The following RAI2 variants were observed in gnomAD, a reference collection of about 807,000 sequenced individuals.
RAI2 encodes retinoic acid-induced protein 2.
In RAI2, 5 loss-of-function variants were observed where a neutral mutation model predicts 15.3. The ratio of observed to expected loss-of-function variants is 0.33; its 90% CI spans 0.17 to 0.69. The LOEUF is 0.69. Among genes scored for constraint, RAI2 ranks in the 30% least tolerant of loss-of-function variants. RAI2 has a pLI of 0.69. For missense variants in RAI2, 424 were observed against 424.7 expected (o/e 1.00, Z 0.01); for synonymous variants, 191 against 184.0 (o/e 1.04, Z -0.31).
chrX:17,835,168 C>A (rs758441642), intron 1 of RAI2, among the ~76,000 whole-genome samples: 1 of 112,222 alleles, frequency 8.9e-6, no homozygotes, highest in South Asian at 3.7e-4. Context: ...ATTCAGAAAT[C>A]TATTAGTAAC....
At chrX:17,815,202 G>A in intron 1 of RAI2, among the ~76,000 whole-genome samples, 1 of 111,566 alleles carries the variant, frequency 9.0e-6, no homozygotes. Flanking sequence ...GTGGGGGAAG[G>A]AAAAAGATCG....
At position 17,800,555 on chromosome X, in the gene RAI2, C is replaced by G; in HGVS notation, c.1456G>C (p.Glu486Gln). 1.7e-6 allele frequency: 2 copies of G among 1,211,161 alleles called. No homozygotes were observed. The highest frequency in any genetic ancestry group is 1.8e-5 in the South Asian group (1 of 56,966). Reference protein sequence around the residue: ...QGYDINSQGEESMGNAEPLRK... With the variant: ...QGYDINSQGEQSMGNAEPLRK... ...AGGGGCTCTGCATTTCCCATGGACTCTTCCCCTTGGCTGTTGATGTCATAG... is the reference window on the plus strand; with the variant it reads ...AGGGGCTCTGCATTTCCCATGGACTGTTCCCCTTGGCTGTTGATGTCATAG... Residue 486 changes from glutamate to glutamine, a missense_variant, in exon 2 of 2, where the codon GAG becomes CAG. Physicochemically the swap from Glu to Gln is conservative, Grantham distance 29. Coordinates refer to ENST00000451717, the MANE Select transcript of RAI2 (RefSeq NM_021785.6).
At chrX:17,848,427 A>AT (rs1221665846) in intron 1 of RAI2, among the ~76,000 whole-genome samples, 1 of 110,907 alleles carries the variant, frequency 9.0e-6, no homozygotes, top group African/African-American at 3.3e-5. Context: ...ACAAATATTC[A>AT]TAAGAAAAAC....
chrX:17,858,134 A>G (rs1301891171), intron 1 of RAI2, among the ~76,000 whole-genome samples: 1 of 111,590 alleles, frequency 9.0e-6, no homozygotes, highest in Non-Finnish European at 1.9e-5. Flanking sequence ...GATTATTCCC[A>G]TCTTGTAGGT....
chrX:17,814,248 C>G, intron 1 of RAI2, among the ~76,000 whole-genome samples: 1 of 105,231 alleles, frequency 9.5e-6, no homozygotes, highest in Non-Finnish European at 1.9e-5. Flanking sequence ...TATTCACCCG[C>G]CCCCATCCAT....
intron 1 of RAI2, among the ~76,000 whole-genome samples, chrX:17,846,614 T>A (rs1206633007): frequency 8.9e-6 from 1 of 111,857 alleles, no homozygotes; most frequent in Admixed American, 9.4e-5. Context: ...TTTCATTGCA[T>A]TTCCTTCAGA....
At chrX:17,842,736 G>T (rs2067413990) in intron 1 of RAI2, among the ~76,000 whole-genome samples, 1 of 109,687 alleles carries the variant, frequency 9.1e-6, no homozygotes, top group Non-Finnish European at 1.9e-5. Flanking sequence ...GAATGCGAAT[G>T]ATATTTATTC....
At chrX:17,803,936 C>CTTT (rs11448927) in intron 1 of RAI2, among the ~76,000 whole-genome samples, 3 of 100,031 alleles carry the variant, frequency 3.0e-5, no homozygotes, top group African/African-American at 1.1e-4. Context: ...TCCAACATGC[C>CTTT]TTTTTTTTTT....
chrX:17,840,832 C>T (rs1259955086), intron 1 of RAI2, among the ~76,000 whole-genome samples: 1 of 112,097 alleles, frequency 8.9e-6, no homozygotes, highest in East Asian at 2.8e-4. Context: ...ATCCTTTCTA[C>T]TCACATCCCA....
chrX:17,844,333 A>G (rs2067432547), intron 1 of RAI2, among the ~76,000 whole-genome samples: 1 of 112,600 alleles, frequency 8.9e-6, no homozygotes, highest in Non-Finnish European at 1.9e-5. Context: ...AGGCCAGTTG[A>G]TTCAGAGGAC....
chrX:17,848,292 G>GAAA (rs375071115), intron 1 of RAI2, among the ~76,000 whole-genome samples: 15 of 58,787 alleles, frequency 2.6e-4, no homozygotes, highest in African/African-American at 6.3e-4. Context: ...AACAAAAAAT[G>GAAA]AAAAAAAAAA....
At chrX:17,823,084 A>G (rs2067185699) in intron 1 of RAI2, among the ~76,000 whole-genome samples, 1 of 112,622 alleles carries the variant, frequency 8.9e-6, no homozygotes, top group African/African-American at 3.2e-5. Context: ...TGAGATGTAG[A>G]TGCCCAACTC....
chrX:17,833,538 T>G (rs1205921851), intron 1 of RAI2, among the ~76,000 whole-genome samples: 1 of 110,977 alleles, frequency 9.0e-6, no homozygotes, highest in African/African-American at 3.3e-5. Flanking sequence ...AAAACAAAAC[T>G]GAAGTTCAAA....
intron 1 of RAI2, among the ~76,000 whole-genome samples, chrX:17,836,268 G>T (rs989295820): frequency 3.6e-5 from 4 of 111,516 alleles, no homozygotes; most frequent in African/African-American, 1.3e-4. Flanking sequence ...CTTACGATAG[G>T]GTTATGTCCT....
In RAI2 at chrX:17,802,005, G is replaced by C. The variant is rs751440963; in HGVS notation, c.6C>G (p.Asp2Glu). 8.4e-7 allele frequency: 1 copy of C among 1,193,168 alleles called. No individual in the cohort carries two copies. Among genetic ancestry groups the C allele is most frequent in the African/African-American group, 1.8e-5 (1 of 56,926 alleles). Residue 2 changes from aspartate to glutamate, a missense_variant, in exon 2 of 2, where the codon GAC becomes GAG. By Grantham distance (45) the Asp-to-Glu change is conservative (BLOSUM62 2). Coordinates refer to ENST00000451717, the MANE Select transcript of RAI2 (RefSeq NM_021785.6). ...TGGAGAGGTTCTGGGACTGCAGGTC[G>C]TCCATCACTCAGCTCTGATGCCACT... M[D>E]DLQSQNLSMD...
intron 1 of RAI2, among the ~76,000 whole-genome samples, chrX:17,835,184 G>A (rs909712966): frequency 3.6e-5 from 4 of 112,119 alleles, no homozygotes; most frequent in East Asian, 2.8e-4. Context: ...GTAACATAGC[G>A]AAGTCAGGAA....
intron 1 of RAI2, among the ~76,000 whole-genome samples, chrX:17,813,238 T>C (rs1471553783): frequency 9.0e-6 from 1 of 111,144 alleles, no homozygotes; most frequent in East Asian, 2.8e-4. Context: ...ATATTTATTT[T>C]TGCCTACCCG....
intron 1 of RAI2, among the ~76,000 whole-genome samples, chrX:17,857,740 T>C (rs1202300884): frequency 1.8e-5 from 2 of 111,658 alleles, no homozygotes; most frequent in Non-Finnish European, 3.8e-5. Flanking sequence ...CCCACTGCCA[T>C]TCACTCCATC....
chrX:17,854,651 C>G (rs2067577374), intron 1 of RAI2, among the ~76,000 whole-genome samples: 1 of 112,391 alleles, frequency 8.9e-6, no homozygotes, highest in African/African-American at 3.2e-5. Flanking sequence ...CGCCCAAACA[C>G]ACCCAGTCTT....
Sources: gnomAD v4.1 joint callset for allele counts (sites outside exome capture counted in the v4.1 genomes callset) on GRCh38, gnomAD v4.1.1 for gene constraint, MANE v1.5 for transcripts, NCBI Gene and HGNC (gene_info 2026-07-23, HGNC 2026-07-21) for gene names.